AFAP1L1: variants seen among roughly 807,000 people sequenced by gnomAD.
AFAP1L1 encodes the protein actin filament associated protein 1 like 1, also known as actin filament-associated protein 1-like 1.
AFAP1L1 carries 77 observed loss-of-function variants against 99.8 expected under a neutral mutation model. That is an observed-to-expected ratio of 0.77 (90% CI 0.64 to 0.93). The LOEUF (loss-of-function observed/expected upper bound fraction) is 0.93, where lower values mean the gene tolerates loss of function less well. Among genes scored for constraint, AFAP1L1 ranks in the 40% least tolerant of loss-of-function variants. The pLI is 0.00. For synonymous variants in AFAP1L1, 373 were observed against 395.3 expected (o/e 0.94, Z 0.67); for missense variants, 893 against 996.8 (o/e 0.90, Z 1.40).
At chr5:149,311,272 C>A (rs1240919765) in intron 8 of AFAP1L1, among the ~76,000 whole-genome samples, 1 of 152,164 alleles carries the variant, frequency 6.6e-6, no homozygotes, top group Non-Finnish European at 1.5e-5. Flanking sequence ...AGGGAGAGAA[C>A]CTGCCTGTTG....
chr5:149,281,336 C>T (rs184276779), intron 1 of AFAP1L1, among the ~76,000 whole-genome samples: 1 of 152,166 alleles, frequency 6.6e-6, no homozygotes, highest in African/African-American at 2.4e-5. Context: ...GATGCAATAA[C>T]TAAGGTTCAA....
intron 1 of AFAP1L1, among the ~76,000 whole-genome samples, chr5:149,283,539 G>T (rs1755586475): frequency 6.6e-6 from 1 of 151,620 alleles, no homozygotes; most frequent in South Asian, 2.1e-4. Context: ...CCTTACAATT[G>T]ACATCTTAAT....
intron 12 of AFAP1L1, among the ~76,000 whole-genome samples, chr5:149,318,639 G>A (rs1307004791): frequency 2.0e-5 from 3 of 152,164 alleles, no homozygotes; most frequent in South Asian, 2.1e-4. Context: ...TCATTTCACC[G>A]ATTCACTGTC....
chr5:149,338,147 ACACCAG>A (rs1279701815), intron 18 of AFAP1L1, among the ~76,000 whole-genome samples: 1 of 152,206 alleles, frequency 6.6e-6, no homozygotes, highest in Admixed American at 6.5e-5. Flanking sequence ...GTCTAGGATC[ACACCAG>A]CACGGACTTT....
intron 5 of AFAP1L1, 56 bp from the exon 6 acceptor site, chr5:149,306,250 G>T: frequency 6.8e-7 from 1 of 1,481,172 alleles, no homozygotes; most frequent in Non-Finnish European, 9.3e-7. Context: ...CCCAGTCCTG[G>T]CCCCTGGAGT....
At position 149,342,877 on chromosome 5, in the gene AFAP1L1, A is replaced by G. The variant is rs577695301; in HGVS notation, c.*2847A>G. ...CAGTGAGCCGAGATCGCACCACTGC[A>G]CTCCAGCCTGGGCAATAGCAAGACT... On this transcript the variant is annotated 3_prime_UTR_variant, in exon 19 of 19. Coordinates refer to ENST00000296721, the MANE Select transcript of AFAP1L1 (RefSeq NM_152406.4). 6.6e-6 allele frequency among the ~76,000 whole-genome samples: 1 copy of G among 151,488 alleles called. No individual in the cohort carries two copies. The highest frequency in any genetic ancestry group is 1.9e-4 in the East Asian group (1 of 5,144).
In AFAP1L1 at chr5:149,320,371, T is replaced by C. The variant is rs758625106; in HGVS notation, c.1626-20T>C. Reference sequence around the variant, plus strand: ...AGCATCATTGTCATTGTCATTGTCATCGTACATTTTATTTTCTAGATATGC... The same window carrying C: ...AGCATCATTGTCATTGTCATTGTCACCGTACATTTTATTTTCTAGATATGC... On this transcript the variant is annotated intron_variant, in intron 13 of 18. Coordinates refer to ENST00000296721, the MANE Select transcript of AFAP1L1 (RefSeq NM_152406.4). The surrounding 1 kb of genome is among the most constrained non-coding windows in gnomAD (Gnocchi z 4.0). 6.2e-7 allele frequency: 1 copy of C among 1,611,768 alleles called. No individual in the cohort carries two copies. The highest frequency in any genetic ancestry group is 8.5e-7 in the Non-Finnish European group (1 of 1,177,950).
At chr5:149,307,841 T>TCTCTCTCTCTCC (rs1391463163) in intron 7 of AFAP1L1, among the ~76,000 whole-genome samples, 1 of 149,884 alleles carries the variant, frequency 6.7e-6, no homozygotes, top group South Asian at 2.2e-4. Flanking sequence ...TCTCTCTCTC[T>TCTCTCTCTCTCC]CTCTCTCTCT....
chr5:149,287,648 A>G (rs1018962777), intron 1 of AFAP1L1, among the ~76,000 whole-genome samples: 2 of 151,798 alleles, frequency 1.3e-5, no homozygotes, highest in Non-Finnish European at 1.5e-5. Flanking sequence ...CAGGGGTGCA[A>G]TCTTGGCTCA....
intron 18 of AFAP1L1, among the ~76,000 whole-genome samples, chr5:149,336,488 A>G (rs1757411215): frequency 6.6e-6 from 1 of 152,182 alleles, no homozygotes; most frequent in African/African-American, 2.4e-5. Flanking sequence ...CTGAACCTGG[A>G]TCATTTATAA....
intron 1 of AFAP1L1, among the ~76,000 whole-genome samples, chr5:149,292,824 G>A (rs1439003091): frequency 6.6e-6 from 1 of 152,226 alleles, no homozygotes; most frequent in Non-Finnish European, 1.5e-5. Context: ...AAAGACAGGA[G>A]ATGGGGGCAG....
At chr5:149,300,167 G>A in intron 2 of AFAP1L1, 104 bp from the exon 3 acceptor site, 2 of 726,970 alleles carry the variant, frequency 2.8e-6, no homozygotes, top group Non-Finnish European at 4.5e-6. Flanking sequence ...AATGCGCTTT[G>A]CAAAGTGAGC....
chr5:149,291,500 G>A (rs13361771), intron 1 of AFAP1L1, among the ~76,000 whole-genome samples: 1 of 116,492 alleles, frequency 8.6e-6, no homozygotes. Flanking sequence ...CACTCCAGCC[G>A]GACAACAGAG....
At chr5:149,291,698 G>A (rs896823074) in intron 1 of AFAP1L1, among the ~76,000 whole-genome samples, 10 of 152,070 alleles carry the variant, frequency 6.6e-5, no homozygotes, top group Non-Finnish European at 1.2e-4. Context: ...CTGGTACTGT[G>A]GGTCATACCC....
intron 18 of AFAP1L1, among the ~76,000 whole-genome samples, chr5:149,336,168 C>G (rs1281231416): frequency 1.3e-5 from 2 of 152,120 alleles, no homozygotes; most frequent in Non-Finnish European, 2.9e-5. Flanking sequence ...TGTTTCAGAA[C>G]TTTTTGGATT....
intron 5 of AFAP1L1, 122 bp downstream of exon 5, chr5:149,302,648 A>C: frequency 2.3e-6 from 2 of 873,832 alleles, no homozygotes; most frequent in South Asian, 1.8e-5. Context: ...CCATGTCACC[A>C]TTGGCTTAGG....
intron 1 of AFAP1L1, among the ~76,000 whole-genome samples, chr5:149,294,642 A>G (rs1163670635): frequency 2.0e-5 from 3 of 152,160 alleles, no homozygotes; most frequent in Non-Finnish European, 4.4e-5. Context: ...GAAGTTCTGA[A>G]GTTCAAACAG....
Position 149,340,095 on chromosome 5 carries a change from T to C in AFAP1L1, c.*65T>C. The C allele has an allele frequency of 6.3e-7, 1 of 1,595,622 alleles. No individual in the cohort carries two copies. On this transcript the variant is annotated 3_prime_UTR_variant, in exon 19 of 19. Coordinates refer to ENST00000296721, the MANE Select transcript of AFAP1L1 (RefSeq NM_152406.4). ...TGTCCACCTGAGGAAGAAATGCTTT[T>C]TTCACAAGGAGACACCAAGAGAAGA...
At chr5:149,301,089 G>A in intron 3 of AFAP1L1, 44 bp from the exon 4 acceptor site, 4 of 1,585,712 alleles carry the variant, frequency 2.5e-6, no homozygotes, top group Non-Finnish European at 3.5e-6. Context: ...GGTCTGTGCT[G>A]CTCATCCTTG....
Sources: gnomAD v4.1 joint callset for allele counts (sites outside exome capture counted in the v4.1 genomes callset) on GRCh38, gnomAD v4.1.1 for gene constraint, Gnocchi (gnomAD v3.1) non-coding constraint, MANE v1.5 for transcripts, NCBI Gene and HGNC (gene_info 2026-07-23, HGNC 2026-07-21) for gene names.